Variants in TUSC3 observed in about 807,000 individuals in gnomAD.
TUSC3 encodes the protein tumor suppressor candidate 3, also known as dolichyl-diphosphooligosaccharide--protein glycosyltransferase subunit TUSC3.
In TUSC3, 45 loss-of-function variants were observed where a neutral mutation model predicts 44.8. The observed-to-expected ratio is 1.00, with a 90% confidence interval of 0.79 to 1.29. The LOEUF is 1.29. Ranked by LOEUF, TUSC3 falls within the 50% of genes most tolerant of loss-of-function variation. TUSC3 has a pLI of 0.00. For missense variants in TUSC3, 519 were observed against 437.9 expected, an observed-to-expected ratio of 1.19 and a Z score of -1.65; for synonymous variants, 212 against 152.9, an observed-to-expected ratio of 1.39 and a Z score of -2.85.
intron 2 of TUSC3, among the ~76,000 whole-genome samples, chr8:15,505,619 T>C (rs1367952725): frequency 1.3e-5 from 2 of 152,212 alleles, no homozygotes; most frequent in Non-Finnish European, 2.9e-5. Context: ...AAAATAGAAA[T>C]ACCCAGGCTT....
At chr8:15,614,027 T>C (rs1371472871) in intron 1 of TUSC3, among the ~76,000 whole-genome samples, 1 of 108,900 alleles carries the variant, frequency 9.2e-6, no homozygotes, top group East Asian at 3.0e-4. Flanking sequence ...TTTTTTTTTT[T>C]TTTCGGTGGG....
chr8:15,716,099 T>G (rs371273765), intron 6 of TUSC3, among the ~76,000 whole-genome samples: 8 of 151,958 alleles, frequency 5.3e-5, no homozygotes, highest in African/African-American at 1.9e-4. Flanking sequence ...CTACTAAAAA[T>G]ACAAAAATTA....
chr8:15,784,538 G>T, the TUSC3 span, among the ~76,000 whole-genome samples: 1 of 151,876 alleles, frequency 6.6e-6, no homozygotes, highest in Non-Finnish European at 1.5e-5. Context: ...ATACATATGT[G>T]TGTGTGTATG....
chr8:15,420,879 T>A (rs768500668), intron 1 of TUSC3, among the ~76,000 whole-genome samples: 9 of 152,148 alleles, frequency 5.9e-5, no homozygotes, highest in Non-Finnish European at 1.0e-4. Context: ...GACTCCTAAC[T>A]TTAAAGTGAC....
chr8:15,826,933 TTGATTAAATTC>T, the TUSC3 span, among the ~76,000 whole-genome samples: 43 of 152,306 alleles, frequency 2.8e-4, no homozygotes, highest in African/African-American at 6.5e-4. Context: ...CTCTCAATCC[TTGATTAAATTC>T]TGACTAAATT....
chr8:15,833,079 A>T, the TUSC3 span, among the ~76,000 whole-genome samples: 2 of 152,186 alleles, frequency 1.3e-5, no homozygotes, highest in Non-Finnish European at 2.9e-5. Context: ...AAAAGAAGAT[A>T]TACATGTGAC....
intron 6 of TUSC3, among the ~76,000 whole-genome samples, chr8:15,711,146 T>A (rs140407499): frequency 6.6e-6 from 1 of 151,568 alleles, no homozygotes; most frequent in Non-Finnish European, 1.5e-5. Context: ...TCCTCTCCTC[T>A]CACTACCAGC....
intron 2 of TUSC3, among the ~76,000 whole-genome samples, chr8:15,491,929 CT>C (rs2129125899): frequency 6.6e-6 from 1 of 152,300 alleles, no homozygotes; most frequent in South Asian, 2.1e-4. Flanking sequence ...ATATTTACAA[CT>C]TTAATACTCT....
rs73197124 is a variant in TUSC3, at chr8:15,684,213, G to T, written c.798+10377G>T. Among the ~76,000 whole-genome samples, 685 of 151,950 alleles carry T rather than the reference G, an allele frequency of 4.5e-3. 3 individuals are homozygous for T. The highest frequency in any genetic ancestry group is 7.4e-3 in the Non-Finnish European group (502 of 67,966). On this transcript the variant is annotated intron_variant, in intron 6 of 10. Transcript: ENST00000503731. ...TGTTTACCTTGCCCCAGGGGTGGGT[G>T]GGGGGCAGGCTCTAATGGGCTGTGC... is the stretch of plus-strand genomic sequence containing the variant.
chr8:15,664,574 A>G (rs147643932), intron 5 of TUSC3, among the ~76,000 whole-genome samples: 36 of 149,508 alleles, frequency 2.4e-4, no homozygotes, highest in African/African-American at 5.8e-4. Context: ...CTGCTCCCCA[A>G]TCACAGCCTT....
rs1191150255 is a variant in TUSC3, at chr8:15,622,247, T to C, written c.139-833T>C. Among the ~76,000 whole-genome samples the C allele has an allele frequency of 4.6e-5, 7 of 152,256 alleles. No individual in the cohort carries two copies. In the East Asian group the frequency reaches 1.2e-3, roughly 25 times the overall value. ...TGTAGAGTTGTTAACTTCTCAGGCT[T>C]GTTCAAGTAAGATGAATGTTCTAAA... On this transcript the variant is annotated intron_variant, in intron 1 of 10. Transcript: ENST00000503731.
At chr8:15,604,996 T>A (rs1804458261) in intron 1 of TUSC3, among the ~76,000 whole-genome samples, 1 of 151,848 alleles carries the variant, frequency 6.6e-6, no homozygotes, top group Non-Finnish European at 1.5e-5. Context: ...AAAACTCTGG[T>A]TATTGTAGAG....
chr8:15,489,039 C>T (rs1292618730), intron 2 of TUSC3, among the ~76,000 whole-genome samples: 1 of 152,136 alleles, frequency 6.6e-6, no homozygotes, highest in Non-Finnish European at 1.5e-5. Flanking sequence ...TAGAGACTTA[C>T]TCTGAGTCAA....
chr8:15,742,138 A>G (rs555048159), intron 7 of TUSC3, among the ~76,000 whole-genome samples: 78 of 152,124 alleles, frequency 5.1e-4, no homozygotes, highest in Non-Finnish European at 6.0e-4. Context: ...ACATGATTGA[A>G]AGGCAGGAAT....
At chr8:15,719,288 T>C (rs1283321100) in intron 6 of TUSC3, among the ~76,000 whole-genome samples, 1 of 152,036 alleles carries the variant, frequency 6.6e-6, no homozygotes, top group East Asian at 1.9e-4. Flanking sequence ...ATCTCTCTTA[T>C]ATGTGCTTCC....
intron 1 of TUSC3, among the ~76,000 whole-genome samples, chr8:15,581,331 C>T (rs1202530022): frequency 1.3e-5 from 2 of 149,700 alleles, no homozygotes; most frequent in African/African-American, 2.5e-5. Context: ...CAAAGTCATT[C>T]TCCATCCAGC....
chr8:15,429,010 A>G (rs185956722), intron 1 of TUSC3, among the ~76,000 whole-genome samples: 54 of 152,182 alleles, frequency 3.5e-4, no homozygotes, highest in African/African-American at 1.3e-3. Flanking sequence ...TTCTGTTGCC[A>G]TTGCTTTGGT....
Position 15,756,835 on chromosome 8 carries a change from A to G in TUSC3, c.1029-956A>G, listed in dbSNP as rs528841030. On this transcript the variant is annotated intron_variant, in intron 9 of 10. Transcript: ENST00000503731. ...TGGAAAAATAGTTAGTTATTCCCCA[A>G]ACTCGAGCTCTAAAGCTAACTATCA... 1.3e-3 allele frequency among the ~76,000 whole-genome samples: 198 copies of G among 152,224 alleles called. 4 individuals carry two copies. The South Asian group carries it at 0.041, about 32-fold the overall frequency.
chr8:15,743,202 A>G (rs1008382661), intron 7 of TUSC3, among the ~76,000 whole-genome samples: 7 of 152,262 alleles, frequency 4.6e-5, no homozygotes, highest in Non-Finnish European at 1.0e-4. Context: ...TGTCATGTCT[A>G]TAAGCAGTGC....
Sources: allele counts gnomAD v4.1 joint callset (sites outside exome capture counted in the v4.1 genomes callset), GRCh38; gene constraint gnomAD v4.1.1; transcripts MANE v1.5; gene names NCBI Gene and HGNC (gene_info 2026-07-23, HGNC 2026-07-21).